Variants in ADAM12 observed in about 807,000 individuals in gnomAD.
ADAM12 encodes the protein disintegrin and metalloproteinase domain-containing protein 12.
ADAM12 carries 70 observed loss-of-function variants against 106.4 expected under a neutral mutation model. The ratio of observed to expected loss-of-function variants is 0.66; its 90% confidence interval spans 0.54 to 0.80. The LOEUF (loss-of-function observed/expected upper bound fraction) is 0.80, where lower values mean the gene tolerates loss of function less well. Among genes scored for constraint, ADAM12 ranks in the 30% least tolerant of loss-of-function variants. The pLI, the probability that ADAM12 is intolerant of heterozygous loss-of-function variation, is 0.00. For missense variants in ADAM12, 1,010 were observed against 1,171.9 expected, an observed-to-expected ratio of 0.86 and a Z score of 2.02; for synonymous variants, 420 against 433.5, an observed-to-expected ratio of 0.97 and a Z score of 0.39.
intron 3 of ADAM12, among the ~76,000 whole-genome samples, chr10:126,276,190 G>A (rs756430271): frequency 3.3e-5 from 5 of 152,076 alleles, no homozygotes; most frequent in Non-Finnish European, 7.4e-5. Context: ...GTGTTGGAGC[G>A]GTATACTAAC....
rs545830688 is a variant in ADAM12, at chr10:126,376,577, C to T, written c.88+11481G>A. Among the ~76,000 whole-genome samples, 3 of 152,198 alleles carry T rather than the reference C, an allele frequency of 2.0e-5. No individual in the cohort carries two copies. In the South Asian group the frequency reaches 6.2e-4, roughly 32 times the overall value. ...TCTAGAAATATATCTTACAAAGATG[C>T]ACAAGAACATTGAAGAGAATATTAT... On this transcript the variant is annotated intron_variant, in intron 1 of 22. Coordinates refer to ENST00000448723, the MANE Select transcript of ADAM12 (RefSeq NM_001288973.2).
intron 1 of ADAM12, among the ~76,000 whole-genome samples, chr10:126,354,599 A>C (rs1431753807): frequency 6.6e-6 from 1 of 152,160 alleles, no homozygotes; most frequent in Non-Finnish European, 1.5e-5. Flanking sequence ...TATAACTAAA[A>C]TTTTCATCAT....
rs150692600 is a variant in ADAM12 at position 126,069,185 on chromosome 10, T to G, written c.1323+2292A>C. Among the ~76,000 whole-genome samples the G allele has an allele frequency of 8.7e-4, 133 of 152,300 alleles. 1 individual carries two copies. The highest frequency in any genetic ancestry group is 3.4e-3 in the Middle Eastern group (1 of 294). ...TTCTTAGGCAAAGCAGTTTGGAAAC[T>G]GTAAATAGGTTGTCACACTGCCAAA... On this transcript the variant is annotated intron_variant, in intron 12 of 22. Coordinates refer to ENST00000448723, the MANE Select transcript of ADAM12 (RefSeq NM_001288973.2).
intron 3 of ADAM12, among the ~76,000 whole-genome samples, chr10:126,238,749 C>T (rs1186270921): frequency 6.6e-6 from 1 of 152,164 alleles, no homozygotes; most frequent in Non-Finnish European, 1.5e-5. Context: ...TTACTTCTTC[C>T]AGGCAACAGC....
chr10:126,189,831 C>A (rs969323858), intron 3 of ADAM12, among the ~76,000 whole-genome samples: 2 of 152,096 alleles, frequency 1.3e-5, no homozygotes, highest in African/African-American at 4.8e-5. Flanking sequence ...CAAGGCTGAG[C>A]CTCCTGCAGA....
At chr10:126,299,101 C>T (rs1960502883) in intron 2 of ADAM12, among the ~76,000 whole-genome samples, 1 of 152,074 alleles carries the variant, frequency 6.6e-6, no homozygotes, top group Non-Finnish European at 1.5e-5. Flanking sequence ...GTGGGAACCT[C>T]TAAATGAATA....
intron 8 of ADAM12, 64 bp downstream of exon 8, chr10:126,108,529 C>G: frequency 7.0e-7 from 1 of 1,433,788 alleles, no homozygotes; most frequent in Non-Finnish European, 9.8e-7. Flanking sequence ...CAGATGAGGT[C>G]CCCCAACCTC....
intron 17 of ADAM12, among the ~76,000 whole-genome samples, chr10:126,045,419 T>C (rs1954291102): frequency 6.6e-6 from 1 of 152,138 alleles, no homozygotes; most frequent in African/African-American, 2.4e-5. Flanking sequence ...TGTCTACAAG[T>C]TTTAAAATAA....
chr10:126,109,385 CAT>C (rs1408422829), intron 7 of ADAM12, among the ~76,000 whole-genome samples: 15 of 152,190 alleles, frequency 9.9e-5, no homozygotes, highest in Admixed American at 9.8e-4. Flanking sequence ...AGCCTTCATT[CAT>C]ACCTTCATTT....
At chr10:126,270,272 T>C (rs1401222364) in intron 3 of ADAM12, among the ~76,000 whole-genome samples, 1 of 152,168 alleles carries the variant, frequency 6.6e-6, no homozygotes, top group Non-Finnish European at 1.5e-5. Flanking sequence ...CTTTTTACAC[T>C]GCAGGCATTA....
intron 1 of ADAM12, among the ~76,000 whole-genome samples, chr10:126,375,262 AAAG>A: frequency 1.3e-5 from 2 of 149,006 alleles, no homozygotes; most frequent in African/African-American, 5.2e-5. Context: ...AAAAAAAAAA[AAAG>A]AAAGAAAGAA....
intron 8 of ADAM12, among the ~76,000 whole-genome samples, chr10:126,102,263 T>A (rs1955682864): frequency 6.6e-6 from 1 of 152,138 alleles, no homozygotes; most frequent in South Asian, 2.1e-4. Flanking sequence ...GGCTGTCAAA[T>A]CTTTCAATGC....
rs1954370928 is a variant in ADAM12, at chr10:126,047,937, A to T, written c.1917+1316T>A. On this transcript the variant is annotated intron_variant, in intron 16 of 22. Transcript: ENST00000448723. ...ACTGGATAAAGAAAATGTGGTACAT[A>T]TACACCATGGAATACTATGCAGCCA... 2.0e-5 allele frequency among the ~76,000 whole-genome samples: 3 copies of T among 152,368 alleles called. No homozygotes were observed. In the South Asian group the frequency reaches 6.2e-4, roughly 32 times the overall value.
intron 1 of ADAM12, among the ~76,000 whole-genome samples, chr10:126,377,179 G>A (rs1416718323): frequency 1.3e-5 from 2 of 152,194 alleles, no homozygotes; most frequent in East Asian, 3.9e-4. Flanking sequence ...ACTCCAGCAA[G>A]CTGGCTTCAG....
chr10:126,254,305 G>A (rs1958845942), intron 3 of ADAM12, among the ~76,000 whole-genome samples: 1 of 152,186 alleles, frequency 6.6e-6, no homozygotes, highest in African/African-American at 2.4e-5. Context: ...GGACAGTAAT[G>A]GCACATACCT....
intron 2 of ADAM12, among the ~76,000 whole-genome samples, chr10:126,315,174 A>G (rs575236317): frequency 4.6e-5 from 7 of 152,360 alleles, no homozygotes; most frequent in African/African-American, 1.4e-4. Flanking sequence ...ATCTGAAAAC[A>G]TGGCAGTTGT....
chr10:126,215,304 C>G (rs899731567), intron 3 of ADAM12, among the ~76,000 whole-genome samples: 2 of 152,180 alleles, frequency 1.3e-5, no homozygotes, highest in Non-Finnish European at 2.9e-5. Context: ...GGTACATCCT[C>G]GGCACAGGGA....
At chr10:126,269,458 T>C (rs1959164382) in intron 3 of ADAM12, among the ~76,000 whole-genome samples, 1 of 152,182 alleles carries the variant, frequency 6.6e-6, no homozygotes, top group South Asian at 2.1e-4. Flanking sequence ...GAAAGCATCA[T>C]GGTCTTTCTT....
rs1953591122 is a variant in ADAM12, at chr10:126,012,731, GA to G, written c.*4547del. On this transcript the variant is annotated 3_prime_UTR_variant, in exon 23 of 23. Coordinates refer to ENST00000448723, the MANE Select transcript of ADAM12 (RefSeq NM_001288973.2). ...ATTTGACCTGATGGGAGGGACAGGAGAATGAGTCACTCTGCCACCACTTTTC... is the reference window on the plus strand; with the variant it reads ...ATTTGACCTGATGGGAGGGACAGGAGATGAGTCACTCTGCCACCACTTTTC... 1 of 152,226 alleles carries G rather than the reference GA, an allele frequency of 6.6e-6. No individual in the cohort carries two copies. The highest frequency in any genetic ancestry group is 2.4e-5 in the African/African-American group (1 of 41,470). 9.4% of individuals were successfully genotyped at this position (152,226 alleles called of 1,614,324 possible).
Sources: allele counts gnomAD v4.1 joint callset (sites outside exome capture counted in the v4.1 genomes callset), GRCh38; gene constraint gnomAD v4.1.1; transcripts MANE v1.5; gene names NCBI Gene and HGNC (gene_info 2026-07-23, HGNC 2026-07-21).